The following USP37 variants were observed in gnomAD, a reference collection of about 807,000 sequenced individuals.
USP37 encodes ubiquitin carboxyl-terminal hydrolase 37.
A neutral mutation model predicts 124.0 loss-of-function variants in USP37; 27 were observed. The ratio of observed to expected loss-of-function variants is 0.22; its 90% CI spans 0.16 to 0.30. USP37 has a LOEUF of 0.30. Among genes scored for constraint, USP37 ranks in the 10% least tolerant of loss-of-function variants. The pLI, the probability that USP37 is intolerant of heterozygous loss-of-function variation, is 1.00. For missense variants in USP37, 889 were observed against 1,140.4 expected (o/e 0.78, Z 3.17); for synonymous variants, 365 against 388.0 (o/e 0.94, Z 0.70).
At chr2:218,469,443 G>C (rs529576184) in intron 20 of USP37, among the ~76,000 whole-genome samples, 1 of 152,284 alleles carries the variant, frequency 6.6e-6, no homozygotes, top group African/African-American at 2.4e-5. Flanking sequence ...ATTTCAAGTG[G>C]AAGGAAGACT....
chr2:218,526,682 C>T (rs192136277), intron 10 of USP37, among the ~76,000 whole-genome samples: 2 of 151,618 alleles, frequency 1.3e-5, no homozygotes, highest in African/African-American at 2.4e-5. Flanking sequence ...TACTTCTTTG[C>T]CAATTTCCTT....
chr2:218,545,292 T>C (rs536207728), intron 8 of USP37, among the ~76,000 whole-genome samples: 3 of 152,340 alleles, frequency 2.0e-5, no homozygotes, highest in East Asian at 3.9e-4. Flanking sequence ...AGGTGGTATA[T>C]GCAATTTCCA....
intron 10 of USP37, 32 bp downstream of exon 10, chr2:218,529,922 TAA>T (rs375176017): frequency 0.018 from 27,878 of 1,536,490 alleles, 324 homozygotes; most frequent in Non-Finnish European, 0.021. Flanking sequence ...AAAGAACTCC[TAA>T]GTTTTTCACA....
intron 8 of USP37, among the ~76,000 whole-genome samples, chr2:218,542,116 T>A (rs906229070): frequency 6.6e-6 from 1 of 152,174 alleles, no homozygotes; most frequent in East Asian, 1.9e-4. Flanking sequence ...TGTGGTACTT[T>A]TACCTGAGAT....
intron 8 of USP37, among the ~76,000 whole-genome samples, chr2:218,541,134 A>T (rs1282446840): frequency 1.3e-5 from 2 of 152,232 alleles, no homozygotes; most frequent in African/African-American, 4.8e-5. Flanking sequence ...ATTATTTTTC[A>T]ATAACTCACT....
At chr2:218,464,932 T>A (rs1264010751) in intron 21 of USP37, among the ~76,000 whole-genome samples, 2 of 151,168 alleles carry the variant, frequency 1.3e-5, no homozygotes, top group Non-Finnish European at 3.0e-5. Flanking sequence ...AATAAAAAAA[T>A]GAGCCGGGCA....
intron 14 of USP37, among the ~76,000 whole-genome samples, chr2:218,495,217 C>T (rs762810626): frequency 1.7e-4 from 26 of 152,208 alleles, no homozygotes; most frequent in Non-Finnish European, 7.3e-5. Context: ...TCATGGCTTA[C>T]TGCAGCCTCA....
At chr2:218,461,922 C>T (rs1690032042) in intron 22 of USP37, among the ~76,000 whole-genome samples, 4 of 152,150 alleles carry the variant, frequency 2.6e-5, no homozygotes, top group Admixed American at 2.6e-4. Context: ...TTTGGGAGGC[C>T]AACGCAGGTG....
intron 10 of USP37, among the ~76,000 whole-genome samples, chr2:218,523,093 T>C (rs1362605993): frequency 6.6e-6 from 1 of 152,124 alleles, no homozygotes; most frequent in East Asian, 1.9e-4. Flanking sequence ...ATGGCCAACA[T>C]GGTGAAACCC....
At chr2:218,498,351 A>C in intron 11 of USP37, 194 bp from the exon 12 acceptor site, 1 of 421,034 alleles carries the variant, frequency 2.4e-6, no homozygotes, top group Non-Finnish European at 4.0e-6. Flanking sequence ...GAAGGCACAA[A>C]AATGTCCATT....
At chr2:218,461,243 C>T (rs935934038) in intron 22 of USP37, among the ~76,000 whole-genome samples, 1 of 152,116 alleles carries the variant, frequency 6.6e-6, no homozygotes, top group Non-Finnish European at 1.5e-5. Context: ...CACGGTGGCT[C>T]ACACCTGTAA....
At chr2:218,557,471 T>C (rs1296458876) in intron 4 of USP37, among the ~76,000 whole-genome samples, 1 of 151,906 alleles carries the variant, frequency 6.6e-6, no homozygotes, top group Admixed American at 6.6e-5. Context: ...TATTTAAGAC[T>C]ACCTTTGATA....
At chr2:218,516,538 CAG>C (rs977167528) in intron 10 of USP37, among the ~76,000 whole-genome samples, 3 of 147,446 alleles carry the variant, frequency 2.0e-5, no homozygotes, top group Non-Finnish European at 3.0e-5. Flanking sequence ...GGGGGCCTGT[CAG>C]GGGATGGGGG....
At position 218,509,999 on chromosome 2, in the gene USP37, G is replaced by A. The variant is rs1429774052; in HGVS notation, c.1005C>T (p.His335=). 4 of 1,577,510 alleles carry A rather than the reference G, an allele frequency of 2.5e-6. No individual in the cohort carries two copies. The highest frequency in any genetic ancestry group is 2.7e-5 in the African/African-American group (2 of 74,246). The change falls in exon 11 of 26, where the codon CAC becomes CAT. Residue 335 remains histidine, a synonymous_variant. Coordinates refer to ENST00000258399, the MANE Select transcript of USP37 (RefSeq NM_020935.3). ...CCTACCCCTGCAGTTGCTGCTGTTGGTGAGAGGAAAGGGGCACTCTTGGTT... is the reference window on the plus strand; with the variant it reads ...CCTACCCCTGCAGTTGCTGCTGTTGATGAGAGGAAAGGGGCACTCTTGGTT... ...WNKPRVPLSS[H]QQQQLQGFSN... is the part of the protein sequence containing the mutation.
At chr2:218,509,593 T>C (rs879783140) in intron 11 of USP37, among the ~76,000 whole-genome samples, 4 of 151,760 alleles carry the variant, frequency 2.6e-5, no homozygotes, top group African/African-American at 7.3e-5. Flanking sequence ...AAAAAAAAAA[T>C]TTAAAAGATA....
Position 218,477,020 on chromosome 2 carries a change from T to C in USP37, c.1902-39A>G, listed in dbSNP as rs202239892. 1,127 of 1,470,986 alleles carry C rather than the reference T, an allele frequency of 7.7e-4. 3 individuals carry two copies. The highest frequency in any genetic ancestry group is 8.6e-4 in the Non-Finnish European group (953 of 1,107,750). 91.1% of individuals were successfully genotyped at this position (1,470,986 alleles called of 1,614,324 possible). ...AAAAAAAAAAAAGCCTGATAAACAT[T>C]TGTCTTTGTTATTCTTTTATTGTAA... is the stretch of plus-strand genomic sequence containing the variant. On this transcript the variant is annotated intron_variant, in intron 18 of 25. Coordinates refer to ENST00000258399, the MANE Select transcript of USP37 (RefSeq NM_020935.3).
chr2:218,529,155 C>T, intron 10 of USP37, among the ~76,000 whole-genome samples: 1 of 152,138 alleles, frequency 6.6e-6, no homozygotes, highest in East Asian at 1.9e-4. Context: ...AACTCAGCCT[C>T]CTAAGTAGCT....
intron 18 of USP37, among the ~76,000 whole-genome samples, chr2:218,479,352 C>G (rs1691129718): frequency 6.6e-6 from 1 of 152,122 alleles, no homozygotes; most frequent in Non-Finnish European, 1.5e-5. Flanking sequence ...CTCCCTTGTC[C>G]TCAGTTAATT....
chr2:218,461,962 G>A (rs181594967), intron 22 of USP37, among the ~76,000 whole-genome samples: 86 of 152,296 alleles, frequency 5.6e-4, no homozygotes, highest in African/African-American at 1.8e-3. Context: ...TTCGAGACCT[G>A]CCTGGCCAAC....
Sources: allele counts gnomAD v4.1 joint callset (sites outside exome capture counted in the v4.1 genomes callset), GRCh38; gene constraint gnomAD v4.1.1; transcripts MANE v1.5; gene names NCBI Gene and HGNC (gene_info 2026-07-23, HGNC 2026-07-21).